Variants in SLC9A3 observed in about 807,000 individuals in gnomAD.
SLC9A3 encodes sodium/hydrogen exchanger 3.
SLC9A3 carries 37 observed loss-of-function variants against 86.8 expected under a neutral mutation model. The ratio of observed to expected loss-of-function variants is 0.43; its 90% CI spans 0.33 to 0.56. SLC9A3 has a LOEUF of 0.56. Ranked by LOEUF, SLC9A3 falls within the 20% of genes least tolerant of loss-of-function variation. The probability of loss-of-function intolerance (pLI) is 0.06; values close to 1 mark genes in which losing one functional copy is unlikely to be tolerated. For missense variants in SLC9A3, 1,011 were observed against 1,171.9 expected, an observed-to-expected ratio of 0.86 and a Z score of 2.00; for synonymous variants, 581 against 528.3, an observed-to-expected ratio of 1.10 and a Z score of -1.37.
intron 1 of SLC9A3, among the ~76,000 whole-genome samples, chr5:503,254 C>T (rs72702732): frequency 0.18 from 27,048 of 152,154 alleles, 3,072 homozygotes; most frequent in Non-Finnish European, 0.25. Flanking sequence ...GCCTCAGTGG[C>T]CTGTGGGGCA....
At chr5:482,452 G>C in intron 7 of SLC9A3, 96 bp downstream of exon 7, 1 of 1,039,482 alleles carries the variant, frequency 9.6e-7, no homozygotes, top group Non-Finnish European at 1.4e-6. Flanking sequence ...AACCCAATTA[G>C]GGTCTGGAGC....
At chr5:523,449 C>G (rs1264602919) in intron 1 of SLC9A3, among the ~76,000 whole-genome samples, 1 of 152,098 alleles carries the variant, frequency 6.6e-6, no homozygotes, top group African/African-American at 2.4e-5. Context: ...TGGAGAGACC[C>G]TACCCTGTGG....
intron 1 of SLC9A3, among the ~76,000 whole-genome samples, chr5:507,166 C>CTTTTT (rs778066069): frequency 0.012 from 370 of 30,636 alleles, 149 homozygotes; most frequent in East Asian, 0.071. Context: ...GCTGCTGCTT[C>CTTTTT]TTTTTTTTTT....
rs767054040 is a variant in SLC9A3 at position 476,191 on chromosome 5, C to T, written c.2067+11G>A. ...CCAGCCCCGCCAAGCCTCCTGGTGACCCAGCCTTACCCGCTTCTGGGCACG... is the reference window on the plus strand; with the variant it reads ...CCAGCCCCGCCAAGCCTCCTGGTGATCCAGCCTTACCCGCTTCTGGGCACG... On this transcript the variant is annotated intron_variant, in intron 13 of 16. Coordinates refer to ENST00000264938, the MANE Select transcript of SLC9A3 (RefSeq NM_004174.4). The T allele has an allele frequency of 5.6e-6, 9 of 1,613,398 alleles. No individual in the cohort carries two copies. The highest frequency in any genetic ancestry group is 7.6e-6 in the Non-Finnish European group (9 of 1,179,794).
rs770577626 is a variant in SLC9A3, at chr5:522,041, G to A, written c.211+2071C>T. Among the ~76,000 whole-genome samples the A allele has an allele frequency of 2.0e-5, 3 of 152,206 alleles. 1 individual carries two copies. The highest frequency in any genetic ancestry group is 4.1e-4 in the South Asian group (2 of 4,828). ...GTGGGTTGAGGGGACGACAGGGAGC[G>A]TAAAGGGCAGGTCTGGAGAGGGTCT... On this transcript the variant is annotated intron_variant, in intron 1 of 16. Transcript: ENST00000264938.
In SLC9A3 at chr5:516,457, G is replaced by A. The variant is rs569686290; in HGVS notation, c.211+7655C>T. On this transcript the variant is annotated intron_variant, in intron 1 of 16. Coordinates refer to ENST00000264938, the MANE Select transcript of SLC9A3 (RefSeq NM_004174.4). ...TAAGGGTATTGGCTGCCTGTGACCC[G>A]AGTTCTATTCTGTGTCCCAGGAGGG... Among the ~76,000 whole-genome samples, 24 of 152,332 alleles carry A rather than the reference G, an allele frequency of 1.6e-4. No individual in the cohort carries two copies. The South Asian group carries it at 2.7e-3, about 17-fold the overall frequency.
intron 1 of SLC9A3, among the ~76,000 whole-genome samples, chr5:515,543 T>C (rs1477068454): frequency 1.3e-5 from 2 of 152,006 alleles, no homozygotes; most frequent in African/African-American, 2.4e-5. Flanking sequence ...CACTCGCCAA[T>C]GTGAGGGAGC....
At position 497,815 on chromosome 5, in the gene SLC9A3, C is replaced by T. The variant is rs1323690224; in HGVS notation, c.212-5744G>A. Among the ~76,000 whole-genome samples the T allele has an allele frequency of 2.7e-3, 112 of 41,834 alleles. 7 individuals are homozygous for T. The highest frequency in any genetic ancestry group is 9.8e-3 in the Middle Eastern group (1 of 102). The allele number at this position is 41,834 out of a possible 152,430, so 27.4% of individuals were successfully genotyped here. A position where few individuals can be genotyped will look rare whatever the true frequency, so the allele number is the denominator to read the frequency against. ...TCTGCCCCTGTCCCGGGTGGGGTCGCCCGGCCGCATCCCCAGCCTCTGCCC... is the reference window on the plus strand; with the variant it reads ...TCTGCCCCTGTCCCGGGTGGGGTCGTCCGGCCGCATCCCCAGCCTCTGCCC... On this transcript the variant is annotated intron_variant, in intron 1 of 16. Coordinates refer to ENST00000264938, the MANE Select transcript of SLC9A3 (RefSeq NM_004174.4). This position sits in a 1 kb window ranked among gnomAD's most constrained non-coding sequence, Gnocchi z 5.4.
At chr5:486,337 G>A (rs985153919) in intron 3 of SLC9A3, among the ~76,000 whole-genome samples, 6 of 152,238 alleles carry the variant, frequency 3.9e-5, no homozygotes, top group African/African-American at 1.4e-4. Flanking sequence ...CACTCTGCAC[G>A]TGCCCCTCGG....
In SLC9A3 at chr5:470,796, C is replaced by T. The variant is rs1394448454; in HGVS notation, c.*2583G>A. On this transcript the variant is annotated 3_prime_UTR_variant, in exon 17 of 17. Coordinates refer to ENST00000264938, the MANE Select transcript of SLC9A3 (RefSeq NM_004174.4). The stretch of plus-strand genomic sequence containing the variant: ...TAACAAAATTATTTTTGAGAAAATA[C>T]AGAAGTGAGAAATAGTGATTTCCTC... 1 of 152,284 alleles carries T rather than the reference C, an allele frequency of 6.6e-6. No individual in the cohort carries two copies. The highest frequency in any genetic ancestry group is 2.4e-5 in the African/African-American group (1 of 41,434). 9.4% of individuals were successfully genotyped at this position (152,284 alleles called of 1,614,324 possible). A position where few individuals can be genotyped will look rare whatever the true frequency, so the allele number is the denominator to read the frequency against.
intron 11 of SLC9A3, 98 bp from the exon 12 acceptor site, chr5:476,770 C>T (rs563190770): frequency 2.1e-6 from 3 of 1,460,700 alleles, no homozygotes; most frequent in East Asian, 2.4e-5. Context: ...CCCTGGCTGC[C>T]TCCTGCGTGC....
At chr5:493,200 C>T (rs544473825) in intron 1 of SLC9A3, among the ~76,000 whole-genome samples, 23 of 152,308 alleles carry the variant, frequency 1.5e-4, no homozygotes, top group Non-Finnish European at 2.5e-4. Context: ...GTGCGTCCTC[C>T]GGCTTCGGTG....
intron 1 of SLC9A3, among the ~76,000 whole-genome samples, chr5:515,166 C>A (rs1483026232): frequency 6.6e-6 from 1 of 152,102 alleles, no homozygotes; most frequent in Admixed American, 6.5e-5. Context: ...CGGTCTCCCA[C>A]CCCAGAGTCC....
At chr5:507,138 G>C (rs1233959201) in intron 1 of SLC9A3, among the ~76,000 whole-genome samples, 1 of 144,568 alleles carries the variant, frequency 6.9e-6, no homozygotes, top group Non-Finnish European at 1.5e-5. Flanking sequence ...ATTGGGTCAG[G>C]TAAGAAGGAG....
At chr5:509,626 A>T (rs1025861498) in intron 1 of SLC9A3, among the ~76,000 whole-genome samples, 1 of 152,164 alleles carries the variant, frequency 6.6e-6, no homozygotes, top group African/African-American at 2.4e-5. Flanking sequence ...GACAGGCATC[A>T]CCACAGCCAT....
intron 10 of SLC9A3, 164 bp from the exon 11 acceptor site, chr5:477,608 C>T (rs1738835740): frequency 3.6e-6 from 2 of 551,920 alleles, no homozygotes; most frequent in East Asian, 3.2e-5. Flanking sequence ...GGTGGAAATG[C>T]CAAAACCAGG....
intron 11 of SLC9A3, 128 bp downstream of exon 11, chr5:477,204 C>G (rs1030598355): frequency 1.6e-6 from 1 of 635,316 alleles, no homozygotes; most frequent in Non-Finnish European, 2.8e-6. Context: ...ACACCCACCC[C>G]CTCTTTCTGC....
At chr5:521,138 C>T (rs1733873538) in intron 1 of SLC9A3, among the ~76,000 whole-genome samples, 2 of 152,252 alleles carry the variant, frequency 1.3e-5, no homozygotes, top group African/African-American at 2.4e-5. Flanking sequence ...TGGCCTCGGC[C>T]CTTGCCTCCC....
At chr5:481,784 C>T in intron 8 of SLC9A3, 149 bp from the exon 9 acceptor site, 1 of 734,926 alleles carries the variant, frequency 1.4e-6, no homozygotes. Context: ...CCTCCTGGCC[C>T]AGCCCCAAGG....
Sources: gnomAD v4.1 joint callset for allele counts (sites outside exome capture counted in the v4.1 genomes callset) on GRCh38, gnomAD v4.1.1 for gene constraint, Gnocchi (gnomAD v3.1) non-coding constraint, MANE v1.5 for transcripts, NCBI Gene and HGNC (gene_info 2026-07-23, HGNC 2026-07-21) for gene names.